THAP8: variants seen among roughly 807,000 people sequenced by gnomAD.
The protein encoded by THAP8 is THAP domain-containing protein 8.
In THAP8, 24 loss-of-function variants were observed where a neutral mutation model predicts 25.0. The ratio of observed to expected loss-of-function variants is 0.96; its 90% CI spans 0.69 to 1.35. The LOEUF is 1.35. THAP8 is among the 40% of genes most tolerant of loss of function. The pLI is 0.00. For missense variants in THAP8, 399 were observed against 368.8 expected, an observed-to-expected ratio of 1.08 and a Z score of -0.67; for synonymous variants, 169 against 157.6, an observed-to-expected ratio of 1.07 and a Z score of -0.54.
intron 3 of THAP8, among the ~76,000 whole-genome samples, chr19:36,037,261 C>CAA (rs2145425771): frequency 1.3e-5 from 1 of 78,428 alleles, no homozygotes; most frequent in South Asian, 3.2e-4. Flanking sequence ...CACACACACA[C>CAA]ACACACACAC....
At chr19:36,036,533 G>A (rs1969454041) in intron 3 of THAP8, among the ~76,000 whole-genome samples, 1 of 152,042 alleles carries the variant, frequency 6.6e-6, no homozygotes, top group South Asian at 2.1e-4. Flanking sequence ...GCCTCCCAAA[G>A]TGCTGGGATT....
intron 1 of THAP8, among the ~76,000 whole-genome samples, chr19:36,050,096 T>A (rs1325170153): frequency 1.3e-5 from 2 of 150,854 alleles, no homozygotes; most frequent in African/African-American, 4.9e-5. Context: ...CTGGACTACA[T>A]GATGACAGTG....
intron 1 of THAP8, among the ~76,000 whole-genome samples, chr19:36,049,364 CAA>C (rs1284983821): frequency 4.2e-5 from 6 of 141,846 alleles, no homozygotes; most frequent in East Asian, 4.1e-4. Flanking sequence ...GATCATGTTT[CAA>C]AAAAAAAAAA....
intron 1 of THAP8, among the ~76,000 whole-genome samples, chr19:36,043,716 C>A (rs1263105126): frequency 1.3e-5 from 2 of 151,878 alleles, no homozygotes; most frequent in Non-Finnish European, 2.9e-5. Flanking sequence ...GGTGAAACCC[C>A]GTCTCTACGA....
At chr19:36,045,740 CAG>C in intron 1 of THAP8, 1 of 456,574 alleles carries the variant, frequency 2.2e-6, no homozygotes, top group Non-Finnish European at 4.4e-6. Flanking sequence ...ACCATGGAGG[CAG>C]AGACTGGAGA....
chr19:36,048,100 G>A lies in THAP8; in HGVS notation c.83+6035C>T, dbSNP rs550150052. Among the ~76,000 whole-genome samples the A allele has an allele frequency of 1.9e-3, 285 of 152,284 alleles. 3 individuals are homozygous for A. The highest frequency in any genetic ancestry group is 6.7e-3 in the African/African-American group (277 of 41,564). ...AATATGAAATTGACCAAGAGCCACT[G>A]GGTGATTCACTCCACTTTCTTTTTT... On this transcript the variant is annotated intron_variant, in intron 1 of 3. Transcript: ENST00000292894.
chr19:36,038,143 A>C (rs997795788), intron 3 of THAP8, among the ~76,000 whole-genome samples: 14 of 151,638 alleles, frequency 9.2e-5, no homozygotes, highest in Admixed American at 7.9e-4. Context: ...GGGTTTCTCT[A>C]TGTTACCCAG....
chr19:36,035,493 C>T lies in THAP8; in HGVS notation c.772G>A (p.Ala258Thr). The T allele has an allele frequency of 6.2e-7, 1 of 1,614,162 alleles. No homozygotes were observed. Among genetic ancestry groups the T allele is most frequent in the Non-Finnish European group, 8.5e-7 (1 of 1,180,022 alleles). ...AMVLAQDPAP[A>T]TVDAKPELLD... ...AGCTCCGGCTTGGCATCCACTGTGG[C>T]AGGTGCAGGGTCCTGGGCAAGGACC... The change falls in exon 4 of 4, where the codon GCC (alanine) becomes ACC (threonine). Residue 258 changes from alanine (A) to threonine (T), a missense_variant. Coordinates refer to ENST00000292894, the MANE Select transcript of THAP8 (RefSeq NM_152658.3).
intron 1 of THAP8, among the ~76,000 whole-genome samples, chr19:36,048,851 A>C (rs200585471): frequency 0.076 from 10,443 of 137,046 alleles, 527 homozygotes; most frequent in South Asian, 0.1. Context: ...TAAAAAAAAA[A>C]AAAAACAAAA....
intron 3 of THAP8, among the ~76,000 whole-genome samples, chr19:36,038,850 C>CAAA (rs541061979): frequency 2.9e-4 from 26 of 90,358 alleles, no homozygotes; most frequent in African/African-American, 1.0e-3. Flanking sequence ...GACTCCGTCT[C>CAAA]AAAAAAAAAA....
chr19:36,035,400 T>C lies in THAP8; in HGVS notation c.*40A>G, dbSNP rs769489745. ...CACGTATAATGTCTTTCCTCCTCCA[T>C]CTTCTATCTTTTGTCCCTCGACATT... On this transcript the variant is annotated 3_prime_UTR_variant, in exon 4 of 4. Coordinates refer to ENST00000292894, the MANE Select transcript of THAP8 (RefSeq NM_152658.3). 1.3e-6 allele frequency: 2 copies of C among 1,591,596 alleles called. No homozygotes were observed. Among genetic ancestry groups the C allele is most frequent in the Admixed American group, 1.7e-5 (1 of 59,098 alleles).
Position 36,048,653 on chromosome 19 carries a change from C to T in THAP8, c.83+5482G>A, listed in dbSNP as rs186002986. On this transcript the variant is annotated intron_variant, in intron 1 of 3. Transcript: ENST00000292894. Reference sequence around the variant, plus strand: ...GTGCTGGGATTACAGGTGTGAGCCACCGCGCCCAGCCCAATGGGACTTCAT... The same window carrying T: ...GTGCTGGGATTACAGGTGTGAGCCATCGCGCCCAGCCCAATGGGACTTCAT... Among the ~76,000 whole-genome samples, 417 of 151,876 alleles carry T rather than the reference C, an allele frequency of 2.7e-3. 3 individuals are homozygous for T. Among genetic ancestry groups the T allele is most frequent in the African/African-American group, 9.6e-3 (399 of 41,430 alleles).
At position 36,052,228 on chromosome 19, in the gene THAP8, A is replaced by G. The variant is rs983471710; in HGVS notation, c.83+1907T>C. On this transcript the variant is annotated intron_variant, in intron 1 of 3. Transcript: ENST00000292894. Reference sequence around the variant, plus strand: ...CCTAGCTAATTTTTGTATTTTTAGTAGAGACAAGGTTTCGCCATGTTGGCC... The same window carrying G: ...CCTAGCTAATTTTTGTATTTTTAGTGGAGACAAGGTTTCGCCATGTTGGCC... Among the ~76,000 whole-genome samples, 12 of 152,256 alleles carry G rather than the reference A, an allele frequency of 7.9e-5. 1 individual carries two copies. The highest frequency in any genetic ancestry group is 3.4e-3 in the Middle Eastern group (1 of 294).
At chr19:36,038,123 A>G (rs1969543391) in intron 3 of THAP8, among the ~76,000 whole-genome samples, 1 of 151,928 alleles carries the variant, frequency 6.6e-6, no homozygotes, top group Non-Finnish European at 1.5e-5. Flanking sequence ...TTGTATTTTT[A>G]GTAGAGACAG....
intron 1 of THAP8, among the ~76,000 whole-genome samples, chr19:36,051,620 G>A (rs1288741593): frequency 1.3e-5 from 2 of 152,172 alleles, no homozygotes; most frequent in Non-Finnish European, 2.9e-5. Flanking sequence ...TAAAGGGAGA[G>A]CCAACTGGAT....
At chr19:36,046,951 A>G (rs957842078) in intron 1 of THAP8, among the ~76,000 whole-genome samples, 7 of 152,256 alleles carry the variant, frequency 4.6e-5, no homozygotes, top group African/African-American at 1.7e-4. Flanking sequence ...AACAGGATTC[A>G]GCAGCTCAAA....
chr19:36,054,739 C>T (rs1053633254), upstream of THAP8: 2 of 604,052 alleles, frequency 3.3e-6, no homozygotes, highest in Non-Finnish European at 5.9e-6. Flanking sequence ...GACGCTTAAT[C>T]AGGCATCCAG....
At chr19:36,035,687 C>T in intron 3 of THAP8, 95 bp from the exon 4 acceptor site, 1 of 1,428,496 alleles carries the variant, frequency 7.0e-7, no homozygotes, top group Non-Finnish European at 9.6e-7. Flanking sequence ...GCAAAGGTGG[C>T]AGGAGGGCGT....
intron 1 of THAP8, among the ~76,000 whole-genome samples, chr19:36,040,860 C>T (rs1216414531): frequency 6.6e-6 from 1 of 152,034 alleles, no homozygotes; most frequent in Admixed American, 6.6e-5. Context: ...TCTTCCACAC[C>T]ATATAAATGG....
Sources: gnomAD v4.1 joint callset for allele counts (sites outside exome capture counted in the v4.1 genomes callset) on GRCh38, gnomAD v4.1.1 for gene constraint, MANE v1.5 for transcripts, NCBI Gene and HGNC (gene_info 2026-07-23, HGNC 2026-07-21) for gene names.